Variants in JAK1 observed in about 807,000 individuals in gnomAD.
JAK1 encodes tyrosine-protein kinase JAK1.
JAK1 carries 16 observed loss-of-function variants against 136.6 expected under a neutral mutation model. The observed-to-expected ratio is 0.12, with a 90% confidence interval of 0.08 to 0.18. The LOEUF is 0.18. Ranked by LOEUF, JAK1 falls within the 10% of genes least tolerant of loss-of-function variation. The pLI, the probability that JAK1 is intolerant of heterozygous loss-of-function variation, is 1.00. For missense variants in JAK1, 859 were observed against 1,450.1 expected, an observed-to-expected ratio of 0.59 and a Z score of 6.62; for synonymous variants, 492 against 519.5, an observed-to-expected ratio of 0.95 and a Z score of 0.72.
At chr1:64,898,225 G>C (rs1470206922) in intron 1 of JAK1, among the ~76,000 whole-genome samples, 1 of 152,220 alleles carries the variant, frequency 6.6e-6, no homozygotes, top group African/African-American at 2.4e-5. Flanking sequence ...CACTGGGAGA[G>C]TCAACATTCT....
At chr1:64,871,439 G>A (rs1297325392) in intron 5 of JAK1, among the ~76,000 whole-genome samples, 1 of 152,198 alleles carries the variant, frequency 6.6e-6, no homozygotes, top group Admixed American at 6.5e-5. Flanking sequence ...AGGAACGGGT[G>A]ACTAAGTTAA....
At chr1:64,892,493 C>T (rs911563834) in intron 1 of JAK1, among the ~76,000 whole-genome samples, 1 of 152,042 alleles carries the variant, frequency 6.6e-6, no homozygotes, top group Admixed American at 6.6e-5. Context: ...CTATGGTGCC[C>T]AAGGTGGTCT....
intron 1 of JAK1, among the ~76,000 whole-genome samples, chr1:64,962,283 G>A (rs1174171213): frequency 1.3e-5 from 2 of 152,184 alleles, no homozygotes; most frequent in African/African-American, 4.8e-5. Context: ...GAATAGTACT[G>A]TTAAATAAAT....
At chr1:65,064,681 A>T (rs1392323342) in intron 1 of JAK1, among the ~76,000 whole-genome samples, 11 of 152,094 alleles carry the variant, frequency 7.2e-5, no homozygotes, top group Non-Finnish European at 1.0e-4. Context: ...CAAAAGTTAC[A>T]ATTATTGTTT....
chr1:64,927,747 C>T (rs983044073), intron 1 of JAK1, among the ~76,000 whole-genome samples: 1 of 152,182 alleles, frequency 6.6e-6, no homozygotes, highest in Non-Finnish European at 1.5e-5. Context: ...TCAACTCAAA[C>T]GTCTATTAAG....
chr1:64,930,998 G>C (rs1166672714), intron 1 of JAK1, among the ~76,000 whole-genome samples: 1 of 152,044 alleles, frequency 6.6e-6, no homozygotes, highest in Admixed American at 6.5e-5. Context: ...GGGCCAGTCA[G>C]GGGGTGGGGG....
intron 2 of JAK1, among the ~76,000 whole-genome samples, chr1:65,036,842 T>C (rs1647079019): frequency 6.6e-6 from 1 of 152,212 alleles, no homozygotes. Context: ...ATAAAAACTG[T>C]GCATAACTAG....
chr1:64,943,949 G>A (rs1273871713), intron 1 of JAK1, among the ~76,000 whole-genome samples: 4 of 151,540 alleles, frequency 2.6e-5, no homozygotes, highest in Non-Finnish European at 4.4e-5. Flanking sequence ...TAGGCCAGGC[G>A]CAGTGGCTCA....
rs534473933 is a variant in JAK1 at position 64,844,363 on chromosome 1, C to T, written c.2252-148G>A. On this transcript the variant is annotated intron_variant, in intron 16 of 24. Coordinates refer to ENST00000342505, the MANE Select transcript of JAK1 (RefSeq NM_002227.4). The surrounding 1 kb of genome is among the most constrained non-coding windows in gnomAD (Gnocchi z 5.7). The stretch of plus-strand genomic sequence containing the variant: ...GGCCCATGGCCACATAGGCCCTGTG[C>T]GGGGGGCCTGCAGGCGTGCAGCCCT... 5.5e-5 allele frequency: 57 copies of T among 1,043,612 alleles called. No individual in the cohort carries two copies. In the African/African-American group the frequency reaches 7.5e-4, roughly 14 times the overall value. The allele number at this position is 1,043,612 out of a possible 1,614,324, so 64.6% of individuals were successfully genotyped here.
intron 2 of JAK1, among the ~76,000 whole-genome samples, chr1:64,982,364 T>C (rs1646556044): frequency 6.6e-6 from 1 of 152,120 alleles, no homozygotes; most frequent in Non-Finnish European, 1.5e-5. Context: ...AGATTAACCA[T>C]TACCCCAACA....
chr1:65,052,739 G>A (rs1206891389), intron 1 of JAK1, among the ~76,000 whole-genome samples: 6 of 151,598 alleles, frequency 4.0e-5, no homozygotes, highest in African/African-American at 1.2e-4. Context: ...GCGTGAACCC[G>A]GGAGGCAGAG....
intron 1 of JAK1, among the ~76,000 whole-genome samples, chr1:65,052,503 C>A (rs1647322751): frequency 6.6e-6 from 1 of 151,854 alleles, no homozygotes; most frequent in African/African-American, 2.4e-5. Flanking sequence ...CACGGTGAAA[C>A]CCCGCCCCTA....
At chr1:64,846,077 A>G (rs540234791) in intron 14 of JAK1, among the ~76,000 whole-genome samples, 18 of 152,312 alleles carry the variant, frequency 1.2e-4, no homozygotes, top group Non-Finnish European at 1.2e-4. Flanking sequence ...AACAGCTCAC[A>G]TTGTTGGATT....
At chr1:65,004,550 A>G (rs1646788519) in intron 2 of JAK1, among the ~76,000 whole-genome samples, 1 of 152,234 alleles carries the variant, frequency 6.6e-6, no homozygotes, top group Admixed American at 6.5e-5. Flanking sequence ...AATCTTGCAA[A>G]TAGCTAGACA....
intron 9 of JAK1, 150 bp from the exon 10 acceptor site, chr1:64,857,929 C>T (rs1656043548): frequency 3.3e-6 from 3 of 916,674 alleles, no homozygotes; most frequent in African/African-American, 1.7e-5. Context: ...CCTCTGATGC[C>T]ATCCATGAGC....
chr1:64,841,641 C>A (rs779439933), intron 17 of JAK1, 40 bp from the exon 18 acceptor site: 1 of 1,608,896 alleles, frequency 6.2e-7, no homozygotes, highest in East Asian at 2.2e-5. Flanking sequence ...CCAAAGGAAC[C>A]ACCTACAAAC....
chr1:64,927,140 T>C (rs189831439), intron 1 of JAK1, among the ~76,000 whole-genome samples: 22 of 152,328 alleles, frequency 1.4e-4, no homozygotes, highest in Non-Finnish European at 2.5e-4. Flanking sequence ...GCTTATGTGC[T>C]CACCTCTGAT....
At chr1:65,006,411 G>T (rs1439919640) in intron 2 of JAK1, among the ~76,000 whole-genome samples, 1 of 152,132 alleles carries the variant, frequency 6.6e-6, no homozygotes. Context: ...AGGCTGGAGT[G>T]CAGTGGTACT....
At chr1:64,941,421 G>C (rs1341440256) in intron 1 of JAK1, among the ~76,000 whole-genome samples, 1 of 152,072 alleles carries the variant, frequency 6.6e-6, no homozygotes. Context: ...GACTTATCCA[G>C]TTATTATTCT....
Sources: gnomAD v4.1 joint callset for allele counts (sites outside exome capture counted in the v4.1 genomes callset) on GRCh38, gnomAD v4.1.1 for gene constraint, Gnocchi (gnomAD v3.1) non-coding constraint, MANE v1.5 for transcripts, NCBI Gene and HGNC (gene_info 2026-07-23, HGNC 2026-07-21) for gene names.